ATP10B: variants seen among roughly 807,000 people sequenced by gnomAD.
ATP10B encodes phospholipid-transporting ATPase VB.
ATP10B carries 122 observed loss-of-function variants against 141.2 expected under a neutral mutation model. The observed-to-expected ratio is 0.86, with a 90% confidence interval of 0.75 to 1.00. The LOEUF (loss-of-function observed/expected upper bound fraction) is 1.00. Ranked by LOEUF, ATP10B falls within the 50% of genes least tolerant of loss-of-function variation. ATP10B has a pLI of 0.00. For missense variants in ATP10B, 1,876 were observed against 1,825.3 expected, an observed-to-expected ratio of 1.03 and a Z score of -0.51; for synonymous variants, 685 against 692.0, an observed-to-expected ratio of 0.99 and a Z score of 0.16.
At chr5:160,611,394 G>A (rs1046593306) in intron 18 of ATP10B, among the ~76,000 whole-genome samples, 2 of 152,074 alleles carry the variant, frequency 1.3e-5, no homozygotes, top group East Asian at 1.9e-4. Flanking sequence ...ATTGCAAACC[G>A]AATTTCCATT....
intron 11 of ATP10B, 35 bp downstream of exon 11, chr5:160,636,147 T>C: frequency 6.4e-7 from 1 of 1,565,076 alleles, no homozygotes; most frequent in Non-Finnish European, 8.6e-7. Context: ...TGGCCACATA[T>C]CTTATTGGGC....
chr5:160,918,297 T>C, the ATP10B span, among the ~76,000 whole-genome samples: 4 of 152,018 alleles, frequency 2.6e-5, no homozygotes, highest in Non-Finnish European at 5.9e-5. Flanking sequence ...TATCAAGAAG[T>C]GGTAATAAAC....
chr5:160,743,099 C>T (rs759244811), intron 2 of ATP10B, among the ~76,000 whole-genome samples: 9 of 152,162 alleles, frequency 5.9e-5, no homozygotes, highest in Non-Finnish European at 1.3e-4. Flanking sequence ...TAAATCTTCA[C>T]CACAACCCTA....
At chr5:160,812,034 G>GAGAGAGAGAGAA (rs1773203324) in intron 1 of ATP10B, among the ~76,000 whole-genome samples, 5 of 150,220 alleles carry the variant, frequency 3.3e-5, no homozygotes, top group Non-Finnish European at 7.4e-5. Flanking sequence ...GAGAGAGAGA[G>GAGAGAGAGAGAA]AGAGAGAGAG....
intron 2 of ATP10B, among the ~76,000 whole-genome samples, chr5:160,737,258 A>C (rs1235950015): frequency 6.6e-6 from 1 of 152,232 alleles, no homozygotes; most frequent in African/African-American, 2.4e-5. Flanking sequence ...ATACCTCAAC[A>C]TAATAAAAGC....
At chr5:160,825,967 T>C (rs185032856) in intron 1 of ATP10B, among the ~76,000 whole-genome samples, 5 of 152,296 alleles carry the variant, frequency 3.3e-5, no homozygotes, top group Admixed American at 3.3e-4. Context: ...CTTCATCCAC[T>C]TTGCTGCAAA....
intron 1 of ATP10B, among the ~76,000 whole-genome samples, chr5:160,836,161 T>C (rs1209470201): frequency 3.9e-5 from 6 of 152,084 alleles, no homozygotes; most frequent in Non-Finnish European, 8.8e-5. Context: ...TGTATATTAT[T>C]TGGATACACT....
intron 2 of ATP10B, among the ~76,000 whole-genome samples, chr5:160,773,836 T>C (rs1412030100): frequency 6.9e-6 from 1 of 145,772 alleles, no homozygotes; most frequent in African/African-American, 2.4e-5. Flanking sequence ...GTGTGCACCC[T>C]GACCTCCTAG....
chr5:160,809,740 C>T (rs952492172), intron 1 of ATP10B, among the ~76,000 whole-genome samples: 1 of 152,132 alleles, frequency 6.6e-6, no homozygotes, highest in African/African-American at 2.4e-5. Flanking sequence ...AGTGTTATTT[C>T]CTGTTCTAGC....
chr5:160,779,609 C>A (rs1366532070), intron 2 of ATP10B, among the ~76,000 whole-genome samples: 1 of 152,164 alleles, frequency 6.6e-6, no homozygotes, highest in African/African-American at 2.4e-5. Flanking sequence ...CCAGTTGAGC[C>A]TTCAGGTGGG....
chr5:160,715,195 C>G (rs1386944955), intron 3 of ATP10B, among the ~76,000 whole-genome samples: 3 of 144,164 alleles, frequency 2.1e-5, no homozygotes, highest in Non-Finnish European at 1.5e-5. Context: ...TGGGCAATGG[C>G]GGGCGCCCCT....
chr5:160,777,851 T>C (rs1337677944), intron 2 of ATP10B, among the ~76,000 whole-genome samples: 2 of 152,224 alleles, frequency 1.3e-5, no homozygotes, highest in Admixed American at 6.5e-5. Context: ...ACATTTCTAC[T>C]ATACAATATT....
chr5:160,592,804 G>T (rs566238284), intron 22 of ATP10B, among the ~76,000 whole-genome samples: 1 of 152,164 alleles, frequency 6.6e-6, no homozygotes. Flanking sequence ...ATGGAGTCTC[G>T]CTGATTGCTA....
At chr5:160,850,585 A>C (rs1445306786) in intron 1 of ATP10B, among the ~76,000 whole-genome samples, 2 of 152,156 alleles carry the variant, frequency 1.3e-5, no homozygotes, top group Non-Finnish European at 2.9e-5. Context: ...TCCATTCCTC[A>C]GAGCTCCGTT....
At chr5:160,873,710 T>G in the ATP10B span, among the ~76,000 whole-genome samples, 51 of 152,340 alleles carry the variant, frequency 3.3e-4, 1 homozygote, top group Non-Finnish European at 1.3e-4. Flanking sequence ...GGCGAGGCAC[T>G]GCCTCACTTG....
intron 1 of ATP10B, among the ~76,000 whole-genome samples, chr5:160,787,869 T>C (rs1019824488): frequency 1.3e-5 from 2 of 152,194 alleles, no homozygotes; most frequent in African/African-American, 4.8e-5. Context: ...ATCCAGCTAA[T>C]AGACGGTATT....
chr5:160,855,423 T>G (rs188360713), upstream of ATP10B, among the ~76,000 whole-genome samples: 44 of 152,118 alleles, frequency 2.9e-4, no homozygotes, highest in Non-Finnish European at 5.7e-4. Flanking sequence ...AGTTATATAT[T>G]TTGTTTGGTG....
At chr5:160,899,718 T>A in the ATP10B span, among the ~76,000 whole-genome samples, 1 of 152,176 alleles carries the variant, frequency 6.6e-6, no homozygotes, top group Admixed American at 6.5e-5. Context: ...ATACCTTGAG[T>A]AAGCTGTTAA....
intron 1 of ATP10B, among the ~76,000 whole-genome samples, chr5:160,829,759 T>C (rs976569799): frequency 6.6e-6 from 1 of 152,122 alleles, no homozygotes; most frequent in Non-Finnish European, 1.5e-5. Context: ...AGCCTAGATG[T>C]TATTAATGTA....
Sources: allele counts gnomAD v4.1 joint callset (sites outside exome capture counted in the v4.1 genomes callset), GRCh38; gene constraint gnomAD v4.1.1; transcripts MANE v1.5; gene names NCBI Gene and HGNC (gene_info 2026-07-23, HGNC 2026-07-21).